Variants in USP20 observed in about 807,000 individuals in gnomAD.
USP20 encodes the protein ubiquitin specific peptidase 20.
In USP20, 80 loss-of-function variants were observed where a neutral mutation model predicts 124.2. The ratio of observed to expected loss-of-function variants is 0.64; its 90% CI spans 0.54 to 0.78. The LOEUF is 0.78. Among genes scored for constraint, USP20 ranks in the 30% least tolerant of loss-of-function variants. USP20 has a pLI of 0.00. For synonymous variants in USP20, 481 were observed against 512.3 expected, an observed-to-expected ratio of 0.94 and a Z score of 0.83; for missense variants, 1,043 against 1,244.4, an observed-to-expected ratio of 0.84 and a Z score of 2.44.
At chr9:129,844,579 G>A (rs1021634758) in intron 1 of USP20, among the ~76,000 whole-genome samples, 2 of 135,394 alleles carry the variant, frequency 1.5e-5, no homozygotes, top group South Asian at 2.3e-4. Flanking sequence ...AGTCGAGATC[G>A]CACCACTGCA....
chr9:129,849,114 G>A (rs1291931090), intron 1 of USP20, among the ~76,000 whole-genome samples: 1 of 152,232 alleles, frequency 6.6e-6, no homozygotes, highest in East Asian at 1.9e-4. Context: ...TGTGGAAGGG[G>A]CCAGGCCTTC....
intron 10 of USP20, among the ~76,000 whole-genome samples, chr9:129,865,758 G>A (rs3780702): frequency 0.86 from 131,369 of 151,992 alleles, 57,125 homozygotes; most frequent in East Asian, 0.98. Context: ...TCGACCTCCC[G>A]GGCTCAAGCA....
rs376806565 is a variant in USP20, at chr9:129,869,636, A to G, written c.1393-36A>G. ...TGGGGTTTGGGGTGCAGACATTGCC[A>G]GAGGATGGGCAGCAGACTGACCTTC... is the stretch of plus-strand genomic sequence containing the variant. On this transcript the variant is annotated intron_variant, in intron 13 of 25. Transcript: ENST00000372429. 47 of 1,609,834 alleles carry G rather than the reference A, an allele frequency of 2.9e-5. No individual in the cohort carries two copies. In the African/African-American group the frequency reaches 5.5e-4, roughly 19 times the overall value.
chr9:129,857,017 T>C (rs1288849655), intron 4 of USP20, among the ~76,000 whole-genome samples: 1 of 152,094 alleles, frequency 6.6e-6, no homozygotes, highest in Non-Finnish European at 1.5e-5. Flanking sequence ...TATGTATTTT[T>C]ATAGTCATAC....
At chr9:129,876,024 G>A (rs2034388328) in intron 21 of USP20, 106 bp from the exon 22 acceptor site, 11 of 1,006,508 alleles carry the variant, frequency 1.1e-5, no homozygotes, top group South Asian at 4.7e-5. Context: ...CTGCGACAGC[G>A]CTGAGGGGGC....
At position 129,878,447 on chromosome 9, in the gene USP20, T is replaced by G. The variant is rs2296788; in HGVS notation, c.2512+7T>G. 0.35 allele frequency: 553,505 copies of G among 1,593,566 alleles called. 101,144 individuals carry two copies. The highest frequency in any genetic ancestry group is 0.38 in the Non-Finnish European group (441,333 of 1,167,784). On this transcript the variant is annotated splice_region_variant and intron_variant, in intron 23 of 25. Transcript: ENST00000372429. Reference sequence around the variant, plus strand: ...GTCAAGGGGAAGGACAACGGTGAGCTGAGGGGGGACCTGGCACTTACCTGC... The same window carrying G: ...GTCAAGGGGAAGGACAACGGTGAGCGGAGGGGGGACCTGGCACTTACCTGC...
At chr9:129,871,664 G>A (rs2034134019) in intron 15 of USP20, among the ~76,000 whole-genome samples, 1 of 152,086 alleles carries the variant, frequency 6.6e-6, no homozygotes, top group Admixed American at 6.6e-5. Flanking sequence ...TTTTTTGATG[G>A]GAGTCAACCT....
Position 129,869,371 on chromosome 9 carries a change from A to G in USP20, c.1338A>G (p.Ser446=), listed in dbSNP as rs1462471130. The change falls in exon 13 of 26, where the codon TCA becomes TCG. Residue 446 remains serine, a synonymous_variant. Coordinates refer to ENST00000372429, the MANE Select transcript of USP20 (RefSeq NM_001110303.4). The part of the protein sequence containing the change: ...RKEQRYRSVI[S]DIFDGSILSL... ...AGCAGCGCTACCGCAGCGTCATCTC[A>G]GACATCTTTGACGGCTCCATTCTCA... The G allele has an allele frequency of 6.2e-7, 1 of 1,613,376 alleles. No homozygotes were observed. Among genetic ancestry groups the G allele is most frequent in the Admixed American group, 1.7e-5 (1 of 60,028 alleles).
intron 3 of USP20, among the ~76,000 whole-genome samples, chr9:129,855,846 CTAGTGAACTCTTCATTTA>C (rs1036692748): frequency 1.4e-4 from 22 of 152,070 alleles, no homozygotes; most frequent in African/African-American, 3.6e-4. Flanking sequence ...TTTGCCAGGT[CTAGTGAACTCTTCATTTA>C]TACCAGGCCC....
intron 1 of USP20, among the ~76,000 whole-genome samples, chr9:129,841,866 G>T (rs142491136): frequency 6.6e-6 from 1 of 152,238 alleles, no homozygotes; most frequent in Non-Finnish European, 1.5e-5. Context: ...TCACCATGGC[G>T]CCTGTTCGTT....
intron 9 of USP20, 44 bp from the exon 10 acceptor site, chr9:129,865,259 C>T (rs1299930231): frequency 1.2e-6 from 2 of 1,604,562 alleles, no homozygotes; most frequent in Non-Finnish European, 1.7e-6. Context: ...GAATGAGCAG[C>T]TCAAGGCAGG....
chr9:129,862,480 G>C (rs542102313), intron 8 of USP20, among the ~76,000 whole-genome samples: 2 of 151,870 alleles, frequency 1.3e-5, no homozygotes, highest in Non-Finnish European at 2.9e-5. Context: ...TTGAACCCGG[G>C]AGGCGGAGGT....
At chr9:129,869,952 T>C in intron 14 of USP20, 108 bp downstream of exon 14, 1 of 1,389,628 alleles carries the variant, frequency 7.2e-7, no homozygotes, top group African/African-American at 1.4e-5. Context: ...ACCAGGGAGG[T>C]CCTGGGAGGA....
intron 22 of USP20, 83 bp from the exon 23 acceptor site, chr9:129,878,255 C>T (rs1408941218): frequency 2.2e-5 from 24 of 1,097,590 alleles, no homozygotes; most frequent in Non-Finnish European, 3.0e-5. Context: ...GGGACTGGGG[C>T]GGGGGCATTT....
chr9:129,861,561 A>G lies in USP20; in HGVS notation c.446A>G (p.Asn149Ser), dbSNP rs562182276. 7 of 1,613,902 alleles carry G rather than the reference A, an allele frequency of 4.3e-6. No individual in the cohort carries two copies. The highest frequency in any genetic ancestry group is 5.9e-6 in the Non-Finnish European group (7 of 1,179,980). The change falls in exon 8 of 26, where the codon AAC becomes AGC. Residue 149 changes from asparagine (N) to serine (S), a missense_variant. Coordinates refer to ENST00000372429, the MANE Select transcript of USP20 (RefSeq NM_001110303.4). ...TTCCCAGGCCTCACGGGCATGAAGA[A>G]CCTCGGGAACTCCTGCTACATGAAC... Reference protein sequence around the residue: ...LKPRGLTGMKNLGNSCYMNAA... With the variant: ...LKPRGLTGMKSLGNSCYMNAA...
At chr9:129,855,174 G>A (rs1196200631) in intron 3 of USP20, among the ~76,000 whole-genome samples, 1 of 152,222 alleles carries the variant, frequency 6.6e-6, no homozygotes, top group Non-Finnish European at 1.5e-5. Context: ...GCTCACGCCT[G>A]TAATCCCAGC....
At chr9:129,857,561 C>T (rs1222497582) in intron 4 of USP20, among the ~76,000 whole-genome samples, 1 of 152,156 alleles carries the variant, frequency 6.6e-6, no homozygotes, top group Non-Finnish European at 1.5e-5. Flanking sequence ...GCATGTGGGC[C>T]CTGCTCTGGG....
chr9:129,855,565 A>T (rs890437070), intron 3 of USP20, among the ~76,000 whole-genome samples: 7 of 152,212 alleles, frequency 4.6e-5, no homozygotes, highest in Non-Finnish European at 1.0e-4. Context: ...AGCTCCTGCC[A>T]TCACATCCAC....
At chr9:129,862,562 A>C (rs1188877238) in intron 8 of USP20, among the ~76,000 whole-genome samples, 1 of 150,934 alleles carries the variant, frequency 6.6e-6, no homozygotes, top group African/African-American at 2.4e-5. Context: ...CAAAAAAAAA[A>C]AGAAAAATTG....
Sources: gnomAD v4.1 joint callset for allele counts (sites outside exome capture counted in the v4.1 genomes callset) on GRCh38, gnomAD v4.1.1 for gene constraint, MANE v1.5 for transcripts, NCBI Gene and HGNC (gene_info 2026-07-23, HGNC 2026-07-21) for gene names.